The following TSPAN12 variants were observed in gnomAD, a reference collection of about 807,000 sequenced individuals.
TSPAN12 encodes tetraspanin-12.
In TSPAN12, 19 loss-of-function variants were observed where a neutral mutation model predicts 39.2. The observed-to-expected ratio is 0.49, with a 90% CI of 0.34 to 0.71. The LOEUF (loss-of-function observed/expected upper bound fraction) is 0.71, where lower values mean the gene tolerates loss of function less well. Ranked by LOEUF, TSPAN12 falls within the 30% of genes least tolerant of loss-of-function variation. TSPAN12 has a pLI of 0.01. For missense variants in TSPAN12, 314 were observed against 359.9 expected, an observed-to-expected ratio of 0.87 and a Z score of 1.03; for synonymous variants, 119 against 124.8, an observed-to-expected ratio of 0.95 and a Z score of 0.31.
intron 4 of TSPAN12, among the ~76,000 whole-genome samples, chr7:120,837,741 C>T (rs968616528): frequency 5.3e-5 from 8 of 152,350 alleles, no homozygotes; most frequent in Non-Finnish European, 1.0e-4. Context: ...TTCAACTTCA[C>T]ACTAAGATTC....
intron 4 of TSPAN12, among the ~76,000 whole-genome samples, chr7:120,818,242 C>A (rs533133678): frequency 6.6e-6 from 1 of 152,158 alleles, no homozygotes; most frequent in South Asian, 2.1e-4. Flanking sequence ...AGAAACAGAT[C>A]ATACTGAGCC....
chr7:120,802,849 A>C (rs1793800476), intron 7 of TSPAN12, among the ~76,000 whole-genome samples: 1 of 152,196 alleles, frequency 6.6e-6, no homozygotes, highest in African/African-American at 2.4e-5. Flanking sequence ...AATTGTCGCT[A>C]TATTTCTGCT....
At chr7:120,831,052 C>T (rs958628142) in intron 4 of TSPAN12, among the ~76,000 whole-genome samples, 2 of 151,916 alleles carry the variant, frequency 1.3e-5, no homozygotes, top group Non-Finnish European at 2.9e-5. Context: ...AAAAAAAATG[C>T]TCAACATCAC....
intron 7 of TSPAN12, among the ~76,000 whole-genome samples, chr7:120,804,663 G>T (rs1170660831): frequency 1.3e-5 from 2 of 152,112 alleles, no homozygotes; most frequent in African/African-American, 2.4e-5. Flanking sequence ...TGATTGGTTG[G>T]ATTATGTCCT....
intron 6 of TSPAN12, among the ~76,000 whole-genome samples, chr7:120,808,986 T>G (rs1369604125): frequency 6.7e-6 from 1 of 149,918 alleles, no homozygotes; most frequent in Non-Finnish European, 1.5e-5. Flanking sequence ...ATATATATAT[T>G]TAATATATAT....
intron 7 of TSPAN12, among the ~76,000 whole-genome samples, chr7:120,798,597 T>A (rs1793679335): frequency 6.6e-6 from 1 of 152,226 alleles, no homozygotes; most frequent in Non-Finnish European, 1.5e-5. Context: ...TTTATAGTAA[T>A]GCCTCAAATT....
At chr7:120,842,248 T>C (rs1794591918) in intron 2 of TSPAN12, among the ~76,000 whole-genome samples, 2 of 141,838 alleles carry the variant, frequency 1.4e-5, no homozygotes, top group South Asian at 2.3e-4. Context: ...CAGTAAATTA[T>C]GGCTATCTGC....
At chr7:120,817,421 T>G (rs1464483432) in intron 4 of TSPAN12, among the ~76,000 whole-genome samples, 3 of 151,594 alleles carry the variant, frequency 2.0e-5, no homozygotes, top group East Asian at 3.9e-4. Context: ...GAAGCCCACA[T>G]AGCCGAGGGT....
intron 4 of TSPAN12, among the ~76,000 whole-genome samples, chr7:120,833,508 A>C (rs1032990722): frequency 6.6e-6 from 1 of 152,132 alleles, no homozygotes; most frequent in Admixed American, 6.6e-5. Context: ...ATCACTCTAT[A>C]TTTAAAGAAA....
chr7:120,807,552 C>A (rs1584930155), intron 6 of TSPAN12, among the ~76,000 whole-genome samples: 1 of 152,026 alleles, frequency 6.6e-6, no homozygotes, highest in East Asian at 1.9e-4. Context: ...TATGGGCAGT[C>A]ACTGAGAACT....
chr7:120,818,633 C>T (rs1794130236), intron 4 of TSPAN12, among the ~76,000 whole-genome samples: 1 of 151,986 alleles, frequency 6.6e-6, no homozygotes, highest in African/African-American at 2.4e-5. Flanking sequence ...ATATTTCTTT[C>T]ATATAAAAAA....
At chr7:120,813,242 A>T (rs1197835043) in intron 5 of TSPAN12, among the ~76,000 whole-genome samples, 4 of 152,188 alleles carry the variant, frequency 2.6e-5, no homozygotes, top group African/African-American at 9.7e-5. Context: ...GCAATAAAAA[A>T]CCTGACAAAC....
chr7:120,811,539 G>A (rs1223880494), intron 5 of TSPAN12, among the ~76,000 whole-genome samples: 4 of 151,532 alleles, frequency 2.6e-5, no homozygotes, highest in Admixed American at 6.6e-5. Context: ...GTGTAGTGGC[G>A]GGTGCCTGTA....
chr7:120,857,717 C>A (rs1000200015), intron 1 of TSPAN12, 103 bp downstream of exon 1: 9 of 152,140 alleles, frequency 5.9e-5, no homozygotes, highest in African/African-American at 1.9e-4. Flanking sequence ...GCAGGGAGCC[C>A]CAGAGCCAGC....
chr7:120,839,966 C>G, intron 3 of TSPAN12, 61 bp downstream of exon 3: 1 of 1,406,612 alleles, frequency 7.1e-7, no homozygotes, highest in Non-Finnish European at 1.0e-6. Flanking sequence ...ATATAAATAG[C>G]TGAGGGCAAA....
chr7:120,789,241 T>C (rs964661156), intron 7 of TSPAN12, among the ~76,000 whole-genome samples: 2 of 152,200 alleles, frequency 1.3e-5, no homozygotes, highest in African/African-American at 4.8e-5. Context: ...TTGGGCTCTG[T>C]GGGCCATATG....
chr7:120,826,513 G>C (rs1794289849), intron 4 of TSPAN12, among the ~76,000 whole-genome samples: 1 of 152,218 alleles, frequency 6.6e-6, no homozygotes, highest in South Asian at 2.1e-4. Context: ...CCATTCCTAA[G>C]AATGTGAGAC....
intron 4 of TSPAN12, among the ~76,000 whole-genome samples, chr7:120,831,610 TAG>T (rs747900320): frequency 6.6e-6 from 1 of 150,450 alleles, no homozygotes; most frequent in Non-Finnish European, 1.5e-5. Flanking sequence ...CTCAGAGGAA[TAG>T]AGAGTAGAAT....
At chr7:120,852,499 G>A (rs1794788312) in intron 2 of TSPAN12, among the ~76,000 whole-genome samples, 1 of 152,172 alleles carries the variant, frequency 6.6e-6, no homozygotes, top group Non-Finnish European at 1.5e-5. Flanking sequence ...TCAGGGTGTG[G>A]CACTCAGACC....
Sources: gnomAD v4.1 joint callset for allele counts (sites outside exome capture counted in the v4.1 genomes callset) on GRCh38, gnomAD v4.1.1 for gene constraint, MANE v1.5 for transcripts, NCBI Gene and HGNC (gene_info 2026-07-23, HGNC 2026-07-21) for gene names.